Variants in OSBPL6 observed in about 807,000 individuals in gnomAD.
OSBPL6 encodes the protein oxysterol binding protein like 6, also known as oxysterol-binding protein-related protein 6.
A neutral mutation model predicts 125.8 loss-of-function variants in OSBPL6; 49 were observed. That is an observed-to-expected ratio of 0.39 (90% confidence interval 0.31 to 0.49). The LOEUF (loss-of-function observed/expected upper bound fraction) is 0.49. OSBPL6 is among the 20% of genes least tolerant of loss of function. The pLI, the probability that OSBPL6 is intolerant of heterozygous loss-of-function variation, is 0.88. For synonymous variants in OSBPL6, 394 were observed against 391.8 expected, an observed-to-expected ratio of 1.01 and a Z score of -0.07; for missense variants, 986 against 1,135.4, an observed-to-expected ratio of 0.87 and a Z score of 1.89.
intron 13 of OSBPL6, among the ~76,000 whole-genome samples, chr2:178,367,137 A>T (rs1308519160): frequency 1.3e-5 from 2 of 152,224 alleles, no homozygotes; most frequent in African/African-American, 4.8e-5. Flanking sequence ...TAAGGGGCAG[A>T]TACAGTATGT....
chr2:178,360,814 T>C (rs1016723428), intron 12 of OSBPL6, among the ~76,000 whole-genome samples: 2 of 152,216 alleles, frequency 1.3e-5, no homozygotes, highest in African/African-American at 4.8e-5. Context: ...CAATAGATCG[T>C]GAATCCCTTG....
chr2:178,395,418 T>C (rs767100728), intron 24 of OSBPL6, 33 bp from the exon 25 acceptor site: 1 of 1,494,776 alleles, frequency 6.7e-7, no homozygotes, highest in Admixed American at 1.7e-5. Context: ...TTGATGTGAT[T>C]CATGACTAAT....
intron 1 of OSBPL6, among the ~76,000 whole-genome samples, chr2:178,257,132 C>A (rs2091912121): frequency 6.6e-6 from 1 of 152,134 alleles, no homozygotes; most frequent in South Asian, 2.1e-4. Context: ...TGTCTATTAC[C>A]CCCAATGTAA....
At chr2:178,337,387 G>A (rs1238865319) in intron 9 of OSBPL6, among the ~76,000 whole-genome samples, 1 of 152,016 alleles carries the variant, frequency 6.6e-6, no homozygotes, top group Non-Finnish European at 1.5e-5. Context: ...ACCAGCATGT[G>A]GACTCAAAGT....
chr2:178,212,584 A>G (rs1336676434), intron 1 of OSBPL6, among the ~76,000 whole-genome samples: 1 of 152,244 alleles, frequency 6.6e-6, no homozygotes, highest in Non-Finnish European at 1.5e-5. Flanking sequence ...CCAAAGACCG[A>G]ATAACTATTG....
intron 9 of OSBPL6, 62 bp from the exon 10 acceptor site, chr2:178,338,929 A>G: frequency 8.6e-7 from 1 of 1,169,032 alleles, no homozygotes; most frequent in East Asian, 2.4e-5. Context: ...TGACCCTTTT[A>G]TTACCATCCC....
In OSBPL6 at chr2:178,400,545, C is replaced by T. The variant is rs968884670; in HGVS notation, c.*4986C>T. On this transcript the variant is annotated 3_prime_UTR_variant, in exon 25 of 25. Coordinates refer to ENST00000190611, the MANE Select transcript of OSBPL6 (RefSeq NM_032523.4). ...CAAGTGTTTCACCCGCCTCAGCCCC[C>T]CAAAGTGCTGGGATTACAGGTGTGA... 2 of 152,150 alleles carry T rather than the reference C, an allele frequency of 1.3e-5. No individual in the cohort carries two copies. The highest frequency in any genetic ancestry group is 2.4e-5 in the African/African-American group (1 of 41,410). The allele number at this position is 152,150 out of a possible 1,614,324, so 9.4% of individuals were successfully genotyped here.
chr2:178,383,706 C>T (rs1694691987), intron 17 of OSBPL6, among the ~76,000 whole-genome samples: 1 of 152,206 alleles, frequency 6.6e-6, no homozygotes. Context: ...AACCACAATC[C>T]TCATGCACAT....
intron 1 of OSBPL6, among the ~76,000 whole-genome samples, chr2:178,272,545 T>C (rs1193162748): frequency 6.6e-6 from 1 of 152,070 alleles, no homozygotes; most frequent in Non-Finnish European, 1.5e-5. Context: ...GTTACCTCAA[T>C]GGGAAGGAAG....
At chr2:178,212,263 G>A (rs895608372) in intron 1 of OSBPL6, among the ~76,000 whole-genome samples, 1 of 152,192 alleles carries the variant, frequency 6.6e-6, no homozygotes, top group Admixed American at 6.5e-5. Context: ...GAGTGCAATT[G>A]TAATTTAAAT....
At chr2:178,232,333 C>T (rs1445942020) in intron 1 of OSBPL6, among the ~76,000 whole-genome samples, 1 of 152,006 alleles carries the variant, frequency 6.6e-6, no homozygotes, top group African/African-American at 2.4e-5. Context: ...ACCTTGACTT[C>T]CAGGAAGTAA....
chr2:178,309,404 G>C (rs1001162606), intron 3 of OSBPL6, among the ~76,000 whole-genome samples: 1 of 152,114 alleles, frequency 6.6e-6, no homozygotes, highest in African/African-American at 2.4e-5. Flanking sequence ...AACAACATTA[G>C]TTTTGTATTT....
chr2:178,298,034 G>A (rs1332370202), intron 2 of OSBPL6, among the ~76,000 whole-genome samples: 1 of 152,224 alleles, frequency 6.6e-6, no homozygotes, highest in East Asian at 1.9e-4. Flanking sequence ...CCTCCTTACA[G>A]ACCCTGATAA....
chr2:178,272,769 C>A, intron 1 of OSBPL6, among the ~76,000 whole-genome samples: 1 of 152,196 alleles, frequency 6.6e-6, no homozygotes, highest in East Asian at 1.9e-4. Flanking sequence ...CTTTAGCACA[C>A]TTTAGCATCC....
At chr2:178,364,557 T>C (rs1692636952) in intron 13 of OSBPL6, among the ~76,000 whole-genome samples, 1 of 152,114 alleles carries the variant, frequency 6.6e-6, no homozygotes, top group African/African-American at 2.4e-5. Flanking sequence ...AGCGGAATGT[T>C]AGAGAGGGAC....
intron 1 of OSBPL6, among the ~76,000 whole-genome samples, chr2:178,258,311 G>A (rs1255029938): frequency 6.6e-6 from 1 of 152,090 alleles, no homozygotes; most frequent in Non-Finnish European, 1.5e-5. Flanking sequence ...ATGTTGGCTG[G>A]TCTCAAACTT....
At chr2:178,351,386 T>C (rs1691241132) in intron 12 of OSBPL6, among the ~76,000 whole-genome samples, 1 of 151,944 alleles carries the variant, frequency 6.6e-6, no homozygotes, top group East Asian at 1.9e-4. Context: ...AATGAATGAA[T>C]TCATTAAAGT....
At chr2:178,316,426 T>C (rs901503817) in intron 3 of OSBPL6, among the ~76,000 whole-genome samples, 1 of 152,192 alleles carries the variant, frequency 6.6e-6, no homozygotes, top group Non-Finnish European at 1.5e-5. Flanking sequence ...CAACAGGAGA[T>C]ATTTAAATAA....
intron 12 of OSBPL6, among the ~76,000 whole-genome samples, chr2:178,356,968 G>C (rs1272450156): frequency 6.6e-6 from 1 of 152,116 alleles, no homozygotes; most frequent in Non-Finnish European, 1.5e-5. Context: ...TGACAAACCT[G>C]ACAAAAACAA....
Sources: gnomAD v4.1 joint callset for allele counts (sites outside exome capture counted in the v4.1 genomes callset) on GRCh38, gnomAD v4.1.1 for gene constraint, MANE v1.5 for transcripts, NCBI Gene and HGNC (gene_info 2026-07-23, HGNC 2026-07-21) for gene names.